Variants in CD36 observed in about 807,000 individuals in gnomAD.
The protein encoded by CD36 is platelet glycoprotein 4.
A neutral mutation model predicts 55.2 loss-of-function variants in CD36; 119 were observed. That is an observed-to-expected ratio of 2.15 (90% CI 1.86 to 2.51). The LOEUF (loss-of-function observed/expected upper bound fraction) is 2.51. CD36 is among the 30% of genes most tolerant of loss of function. The pLI is 0.00. For missense variants in CD36, 819 were observed against 555.5 expected, an observed-to-expected ratio of 1.47 and a Z score of -4.77; for synonymous variants, 186 against 193.6, an observed-to-expected ratio of 0.96 and a Z score of 0.33.
At chr7:80,644,844 G>T (rs1795039982) in intron 1 of CD36, among the ~76,000 whole-genome samples, 1 of 152,118 alleles carries the variant, frequency 6.6e-6, no homozygotes, top group Non-Finnish European at 1.5e-5. Context: ...GAGAATAATT[G>T]TTTATAAACT....
At chr7:80,672,680 C>A in intron 11 of CD36, 90 bp from the exon 12 acceptor site, 2 of 869,864 alleles carry the variant, frequency 2.3e-6, no homozygotes, top group East Asian at 2.7e-5. Flanking sequence ...TAAGTTACTA[C>A]CTTCTCTTCT....
At chr7:80,672,682 T>A in intron 11 of CD36, 88 bp from the exon 12 acceptor site, 1 of 889,940 alleles carries the variant, frequency 1.1e-6, no homozygotes, top group Non-Finnish European at 1.8e-6. Flanking sequence ...AGTTACTACC[T>A]TCTCTTCTGC....
intron 8 of CD36, among the ~76,000 whole-genome samples, chr7:80,669,618 C>T (rs1797453426): frequency 6.6e-6 from 1 of 151,906 alleles, no homozygotes; most frequent in African/African-American, 2.4e-5. Flanking sequence ...ATAGCTGCCT[C>T]CCAAGTAGCT....
rs1451278617 is a variant in CD36 at position 80,673,390 on chromosome 7, CT to C, written c.1236del (p.Ile413PhefsTer22). On this transcript the variant is annotated frameshift_variant, in exon 13 of 15. Transcript: ENST00000447544. LOFTEE classifies it high-confidence loss of function. ...LKNLKRNYIV[P>X]ILWLNETGTI... The stretch of plus-strand genomic sequence containing the variant: ...AATCTGAAGAGGAACTATATTGTGC[CT>C]ATTCTTTGGCTTAATGAGGTTTGTA... 2 of 1,571,264 alleles carry C rather than the reference CT, an allele frequency of 1.3e-6. No homozygotes were observed. The highest frequency in any genetic ancestry group is 4.6e-5 in the East Asian group (2 of 43,854).
chr7:80,648,635 G>A (rs912364878), intron 3 of CD36, among the ~76,000 whole-genome samples: 1 of 151,962 alleles, frequency 6.6e-6, no homozygotes, highest in Admixed American at 6.6e-5. Flanking sequence ...TCTATTGTAA[G>A]CTATAACCAG....
chr7:80,602,458 A>G (rs1792292302), intron 1 of CD36: 3 of 152,244 alleles, frequency 2.0e-5, no homozygotes, highest in Admixed American at 1.3e-4. Context: ...GTAAGTAACT[A>G]TTATTTTTGG....
intron 1 of CD36, among the ~76,000 whole-genome samples, chr7:80,604,495 G>A (rs866284131): frequency 6.7e-6 from 1 of 150,130 alleles, no homozygotes; most frequent in Admixed American, 6.7e-5. Flanking sequence ...ACGTGGAGAA[G>A]TAACACTTTT....
At chr7:80,672,107 T>A (rs1797740625) in intron 11 of CD36, 67 bp downstream of exon 11, 1 of 1,239,036 alleles carries the variant, frequency 8.1e-7, no homozygotes, top group Admixed American at 1.7e-5. Context: ...ATAAAAATAA[T>A]CTTGTCGATG....
intron 1 of CD36, among the ~76,000 whole-genome samples, chr7:80,608,516 A>G (rs1362155576): frequency 6.6e-6 from 1 of 152,230 alleles, no homozygotes. Flanking sequence ...TAAAATACTC[A>G]TACAAGTGTC....
chr7:80,644,421 T>C (rs1048838161), intron 1 of CD36, among the ~76,000 whole-genome samples: 7 of 152,216 alleles, frequency 4.6e-5, no homozygotes, highest in African/African-American at 1.7e-4. Context: ...AAATGAAGTT[T>C]ATTGCATCCT....
rs1015387212 is a variant in CD36, at chr7:80,619,071, A to G, written c.-184+16692A>G. Among the ~76,000 whole-genome samples the G allele has an allele frequency of 1.6e-4, 25 of 152,316 alleles. 1 individual carries two copies. Among genetic ancestry groups the G allele is most frequent in the African/African-American group, 5.1e-4 (21 of 41,574 alleles). ...CAGCTGGTGACTTTAAATTGAAATC[A>G]ATGCTTACAACCATTATAAAAATCC... On this transcript the variant is annotated intron_variant, in intron 1 of 13. Transcript: ENST00000309881.
intron 1 of CD36, among the ~76,000 whole-genome samples, chr7:80,632,553 TGCCAGC>T (rs969351235): frequency 3.9e-5 from 6 of 152,164 alleles, no homozygotes; most frequent in Admixed American, 2.0e-4. Context: ...AAGATAGATT[TGCCAGC>T]GTGGTTTAGT....
intron 10 of CD36, 82 bp from the exon 11 acceptor site, chr7:80,671,840 A>C: frequency 8.0e-7 from 1 of 1,248,658 alleles, no homozygotes; most frequent in Admixed American, 1.7e-5. Flanking sequence ...AAGAAGCTTT[A>C]GTTTTGTGGA....
rs567736825 is a variant in CD36, at chr7:80,672,406, G to A, written c.1126-364G>A. Among the ~76,000 whole-genome samples the A allele has an allele frequency of 1.1e-4, 17 of 151,664 alleles. No individual in the cohort carries two copies. The South Asian group carries it at 3.5e-3, about 32-fold the overall frequency. On this transcript the variant is annotated intron_variant, in intron 11 of 14. Coordinates refer to ENST00000447544, the MANE Select transcript of CD36 (RefSeq NM_001001548.3). ...TTTCAAAAAGTAAATGAAATTCTAG[G>A]ATTTTAGTAGTTATGTTTTAGTTTA...
Position 80,658,071 on chromosome 7 carries a change from C to T in CD36, c.281+1371C>T, listed in dbSNP as rs559133793. Among the ~76,000 whole-genome samples the T allele has an allele frequency of 2.0e-5, 3 of 152,316 alleles. No individual in the cohort carries two copies. In the East Asian group the frequency reaches 5.8e-4, roughly 29 times the overall value. On this transcript the variant is annotated intron_variant, in intron 4 of 14. Coordinates refer to ENST00000447544, the MANE Select transcript of CD36 (RefSeq NM_001001548.3). ...GCCCCAGAGGGCCTTGGTGCATGTC[C>T]TGTCTTAGCAGTTTTACCCGAATCG...
chr7:80,645,022 CTTT>C (rs11321468), intron 1 of CD36, among the ~76,000 whole-genome samples: 18 of 132,846 alleles, frequency 1.4e-4, no homozygotes, highest in Admixed American at 2.2e-4. Flanking sequence ...TTCTTCCAAT[CTTT>C]TTTTTTTTTT....
chr7:80,668,900 T>C lies in CD36; in HGVS notation c.749-1053T>C, dbSNP rs554945686. Among the ~76,000 whole-genome samples, 3 of 152,260 alleles carry C rather than the reference T, an allele frequency of 2.0e-5. No individual in the cohort carries two copies. In the East Asian group the frequency reaches 5.8e-4, roughly 29 times the overall value. ...TTCATGTGAGAAGTACATGGAGGAG[T>C]TAACTATTTCTTCATATATCCAATG... On this transcript the variant is annotated intron_variant, in intron 8 of 14. Coordinates refer to ENST00000447544, the MANE Select transcript of CD36 (RefSeq NM_001001548.3).
chr7:80,629,011 T>C (rs914241349), intron 1 of CD36, among the ~76,000 whole-genome samples: 5 of 152,112 alleles, frequency 3.3e-5, no homozygotes, highest in African/African-American at 1.2e-4. Flanking sequence ...GAGGCAGGTT[T>C]GCCCTAAGCA....
At chr7:80,664,587 T>C in intron 7 of CD36, 90 bp downstream of exon 7, 1 of 797,322 alleles carries the variant, frequency 1.3e-6, no homozygotes, top group Non-Finnish European at 2.3e-6. Context: ...GACATAGGCA[T>C]CAACCTATAG....
Sources: allele counts gnomAD v4.1 joint callset (sites outside exome capture counted in the v4.1 genomes callset), GRCh38; gene constraint gnomAD v4.1.1; transcripts MANE v1.5; gene names NCBI Gene and HGNC (gene_info 2026-07-23, HGNC 2026-07-21).